The following TBC1D5 variants were observed in gnomAD, a reference collection of about 807,000 sequenced individuals.
TBC1D5 encodes TBC1 domain family member 5.
TBC1D5 carries 75 observed loss-of-function variants against 100.3 expected under a neutral mutation model. That is an observed-to-expected ratio of 0.75 (90% confidence interval 0.62 to 0.91). The LOEUF is 0.91. Among genes scored for constraint, TBC1D5 ranks in the 40% least tolerant of loss-of-function variants. The pLI, the probability that TBC1D5 is intolerant of heterozygous loss-of-function variation, is 0.00. For synonymous variants in TBC1D5, 323 were observed against 325.6 expected (o/e 0.99, Z 0.09); for missense variants, 910 against 942.4 (o/e 0.97, Z 0.45).
intron 1 of TBC1D5, among the ~76,000 whole-genome samples, chr3:17,641,635 A>T (rs370358176): frequency 1.3e-5 from 2 of 152,008 alleles, no homozygotes; most frequent in African/African-American, 4.8e-5. Context: ...AATCTTCTAC[A>T]TTCTTTTCTT....
At chr3:17,439,830 G>C (rs1228174963) in intron 3 of TBC1D5, among the ~76,000 whole-genome samples, 1 of 152,060 alleles carries the variant, frequency 6.6e-6, no homozygotes, top group Non-Finnish European at 1.5e-5. Flanking sequence ...GTACAATATT[G>C]TACAAAATCC....
At chr3:17,260,121 G>A (rs1435325342) in intron 15 of TBC1D5, among the ~76,000 whole-genome samples, 1 of 152,092 alleles carries the variant, frequency 6.6e-6, no homozygotes, top group Non-Finnish European at 1.5e-5. Flanking sequence ...TAGAGGTTAA[G>A]GCCACTGGCA....
intron 1 of TBC1D5, among the ~76,000 whole-genome samples, chr3:17,697,685 G>A (rs2072356271): frequency 6.6e-6 from 1 of 152,166 alleles, no homozygotes; most frequent in Non-Finnish European, 1.5e-5. Flanking sequence ...ACTGCCCAAG[G>A]TAATTTATAG....
intron 1 of TBC1D5, among the ~76,000 whole-genome samples, chr3:17,654,777 A>C (rs565267267): frequency 6.6e-6 from 1 of 152,206 alleles, no homozygotes; most frequent in African/African-American, 2.4e-5. Flanking sequence ...TTGGCTGTGA[A>C]TCCATCTGGT....
chr3:17,300,523 T>C (rs1559583895), intron 14 of TBC1D5, among the ~76,000 whole-genome samples: 1 of 152,036 alleles, frequency 6.6e-6, no homozygotes, highest in African/African-American at 2.4e-5. Flanking sequence ...AGATCTAAAA[T>C]GAAATCAAAA....
At chr3:17,686,061 C>G (rs897620543) in intron 1 of TBC1D5, among the ~76,000 whole-genome samples, 2 of 152,118 alleles carry the variant, frequency 1.3e-5, no homozygotes, top group Non-Finnish European at 2.9e-5. Context: ...TTGGGGCTGA[C>G]ACACAAGCTG....
chr3:17,742,140 T>C (rs1036568092), upstream of TBC1D5, among the ~76,000 whole-genome samples: 1 of 152,184 alleles, frequency 6.6e-6, no homozygotes, highest in East Asian at 1.9e-4. Flanking sequence ...GCAGGCAGAC[T>C]GCAAGCAGCC....
chr3:17,711,038 T>A (rs975299894), intron 1 of TBC1D5, among the ~76,000 whole-genome samples: 1 of 152,176 alleles, frequency 6.6e-6, no homozygotes, highest in African/African-American at 2.4e-5. Flanking sequence ...GTTATTAAAA[T>A]CTTTATTATA....
intron 2 of TBC1D5, among the ~76,000 whole-genome samples, chr3:17,613,063 G>T (rs2061816131): frequency 6.6e-6 from 1 of 152,086 alleles, no homozygotes; most frequent in Admixed American, 6.6e-5. Flanking sequence ...AGACCCCGGT[G>T]TGTGATGTTC....
intron 2 of TBC1D5, among the ~76,000 whole-genome samples, chr3:17,528,486 G>A: frequency 6.6e-6 from 1 of 152,116 alleles, no homozygotes; most frequent in East Asian, 1.9e-4. Flanking sequence ...GCACTTCCTA[G>A]CCTCCAGAAT....
intron 15 of TBC1D5, among the ~76,000 whole-genome samples, chr3:17,260,949 T>A (rs1007124944): frequency 6.6e-6 from 1 of 152,236 alleles, no homozygotes; most frequent in African/African-American, 2.4e-5. Flanking sequence ...TATTTTATAC[T>A]TATGGCACAT....
intron 17 of TBC1D5, among the ~76,000 whole-genome samples, chr3:17,233,416 C>G (rs533602723): frequency 6.6e-6 from 1 of 152,186 alleles, no homozygotes; most frequent in South Asian, 2.1e-4. Flanking sequence ...ATAATAACCA[C>G]AAAATACAGG....
rs1277731494 is a variant in TBC1D5, at chr3:17,696,876, T to C, written c.-101+42467A>G. On this transcript the variant is annotated intron_variant, in intron 1 of 21. Transcript: ENST00000253692. ...CTCAATAAAATACTGGCAAACCGAA[T>C]CCAGCATCACATCAAAAAGCTTACC... Among the ~76,000 whole-genome samples the C allele has an allele frequency of 1.3e-5, 2 of 152,122 alleles. 1 individual carries two copies. The highest frequency in any genetic ancestry group is 2.9e-5 in the Non-Finnish European group (2 of 68,028).
chr3:17,524,425 C>T (rs1033223369), intron 2 of TBC1D5, among the ~76,000 whole-genome samples: 14 of 152,170 alleles, frequency 9.2e-5, no homozygotes, highest in Admixed American at 2.6e-4. Context: ...ATGTATCCTA[C>T]TTATATATCC....
At position 17,706,136 on chromosome 3, in the gene TBC1D5, G is replaced by A. The variant is rs930710964; in HGVS notation, c.-101+33207C>T. The A allele has an allele frequency of 2.3e-5, 37 of 1,599,162 alleles. No individual in the cohort carries two copies. In the African/African-American group the frequency reaches 2.6e-4, roughly 11 times the overall value. Reference sequence around the variant, plus strand: ...TGAAGTCCAGCAAGTCGGGCTTGAGGCAAAGGCTGCAGTTGATGGGGGAGA... The same window carrying A: ...TGAAGTCCAGCAAGTCGGGCTTGAGACAAAGGCTGCAGTTGATGGGGGAGA... On this transcript the variant is annotated intron_variant, in intron 1 of 21. Transcript: ENST00000253692.
At chr3:17,227,063 T>C (rs2074971043) in intron 17 of TBC1D5, among the ~76,000 whole-genome samples, 1 of 151,964 alleles carries the variant, frequency 6.6e-6, no homozygotes, top group Non-Finnish European at 1.5e-5. Context: ...AAAATAGCCA[T>C]ACAGGGAATA....
chr3:17,238,419 C>T, exon 17 of TBC1D5: 6 of 1,601,708 alleles, frequency 3.7e-6, no homozygotes, highest in Non-Finnish European at 5.1e-6. Context: ...TGGCATTGGT[C>T]CTGTTAAAAA....
At chr3:17,650,143 G>A (rs564327618) in intron 1 of TBC1D5, among the ~76,000 whole-genome samples, 74 of 152,196 alleles carry the variant, frequency 4.9e-4, no homozygotes, top group Middle Eastern at 6.8e-3. Flanking sequence ...GGCCTCTTGC[G>A]GGGTGGGGGG....
At chr3:17,522,012 G>A (rs1444455007) in intron 2 of TBC1D5, among the ~76,000 whole-genome samples, 4 of 151,860 alleles carry the variant, frequency 2.6e-5, no homozygotes, top group Non-Finnish European at 4.4e-5. Flanking sequence ...ATATGCAAAT[G>A]TTCCAATTGT....
Sources: gnomAD v4.1 joint callset for allele counts (sites outside exome capture counted in the v4.1 genomes callset) on GRCh38, gnomAD v4.1.1 for gene constraint, MANE v1.5 for transcripts, NCBI Gene and HGNC (gene_info 2026-07-23, HGNC 2026-07-21) for gene names.